Variants in CAST observed in about 807,000 individuals in gnomAD.
CAST encodes the protein MIR583 host.
Under a neutral mutation model 119.6 loss-of-function variants are expected in CAST, and 76 were observed. The observed-to-expected ratio is 0.64, with a 90% CI of 0.53 to 0.77. The LOEUF (loss-of-function observed/expected upper bound fraction) is 0.77. Among genes scored for constraint, CAST ranks in the 30% least tolerant of loss-of-function variants. The pLI is 0.00. For missense variants in CAST, 953 were observed against 946.5 expected (o/e 1.01, Z -0.09); for synonymous variants, 319 against 331.6 (o/e 0.96, Z 0.41).
chr5:96,310,482 G>A, the CAST span, among the ~76,000 whole-genome samples: 29 of 151,568 alleles, frequency 1.9e-4, no homozygotes, highest in Non-Finnish European at 4.3e-4. Flanking sequence ...CTAATTTTTT[G>A]TAAAAGTTTG....
the CAST span, among the ~76,000 whole-genome samples, chr5:96,495,963 C>T: frequency 6.6e-6 from 1 of 151,920 alleles, no homozygotes; most frequent in Admixed American, 6.6e-5. Context: ...AAAGAAAAGG[C>T]CTTTAATTAT....
At chr5:96,589,237 G>T (rs1561424140) in intron 1 of CAST, among the ~76,000 whole-genome samples, 1 of 152,148 alleles carries the variant, frequency 6.6e-6, no homozygotes. Context: ...AGAGTAAATT[G>T]TCAAATGTTC....
At chr5:96,346,291 G>A in the CAST span, among the ~76,000 whole-genome samples, 1 of 152,198 alleles carries the variant, frequency 6.6e-6, no homozygotes, top group Non-Finnish European at 1.5e-5. Flanking sequence ...GGCAGAGATC[G>A]TGACTGCTGT....
chr5:96,723,059 C>T (rs530995961), intron 4 of CAST, among the ~76,000 whole-genome samples: 9 of 152,302 alleles, frequency 5.9e-5, no homozygotes, highest in East Asian at 3.9e-4. Flanking sequence ...CCTCCCATCT[C>T]GGCCTCTTGA....
chr5:96,287,668 A>G, the CAST span, among the ~76,000 whole-genome samples: 1 of 152,152 alleles, frequency 6.6e-6, no homozygotes, highest in Non-Finnish European at 1.5e-5. Flanking sequence ...AATTTTATCT[A>G]CTTCTATTCT....
the CAST span, among the ~76,000 whole-genome samples, chr5:95,983,418 T>C: frequency 6.6e-6 from 1 of 152,090 alleles, no homozygotes; most frequent in African/African-American, 2.4e-5. Flanking sequence ...TATATATTTG[T>C]AGAAAAATTC....
chr5:96,698,461 C>T (rs1187260034), intron 3 of CAST, among the ~76,000 whole-genome samples: 1 of 152,204 alleles, frequency 6.6e-6, no homozygotes. Flanking sequence ...GCTTTTCTGA[C>T]TCACTTTCCT....
intron 1 of CAST, among the ~76,000 whole-genome samples, chr5:96,626,670 T>A (rs1747730573): frequency 6.6e-6 from 1 of 152,184 alleles, no homozygotes; most frequent in South Asian, 2.1e-4. Context: ...ACAAAGCCCC[T>A]TGCTTCCAGC....
chr5:96,451,970 T>G, the CAST span, among the ~76,000 whole-genome samples: 6,862 of 152,230 alleles, frequency 0.045, 375 homozygotes, highest in African/African-American at 0.13. Flanking sequence ...AGAATGGCGA[T>G]CATTAAAAAG....
the CAST span, among the ~76,000 whole-genome samples, chr5:96,124,908 G>A: frequency 6.6e-6 from 1 of 152,110 alleles, no homozygotes; most frequent in East Asian, 1.9e-4. Context: ...TGTCCACCTT[G>A]TTTACCCTGT....
chr5:96,757,905 G>A (rs1356257121), intron 24 of CAST, among the ~76,000 whole-genome samples: 1 of 151,944 alleles, frequency 6.6e-6, no homozygotes, highest in African/African-American at 2.4e-5. Context: ...TGGCCAGGCT[G>A]GTGTCAGTCT....
At chr5:95,991,491 A>AGTTTT in the CAST span, among the ~76,000 whole-genome samples, 9 of 143,880 alleles carry the variant, frequency 6.3e-5, 1 homozygote, top group South Asian at 2.2e-4. Flanking sequence ...GTTAACAACA[A>AGTTTT]GTTTTGTTTT....
chr5:96,208,672 T>C, the CAST span, among the ~76,000 whole-genome samples: 8 of 152,020 alleles, frequency 5.3e-5, no homozygotes, highest in Non-Finnish European at 1.2e-4. Context: ...CCATTTTTAT[T>C]GCACTATGGT....
At chr5:96,316,586 T>A in the CAST span, among the ~76,000 whole-genome samples, 3 of 152,212 alleles carry the variant, frequency 2.0e-5, no homozygotes, top group Non-Finnish European at 4.4e-5. Flanking sequence ...AAAAGTCAGG[T>A]TGAAAGCACC....
intron 22 of CAST, chr5:96,755,220 T>TC (rs1766029302): frequency 6.5e-6 from 1 of 153,274 alleles, no homozygotes; most frequent in African/African-American, 2.4e-5. Flanking sequence ...GTGCCTGTAG[T>TC]CCCAGGTACT....
At chr5:96,133,808 G>T in the CAST span, among the ~76,000 whole-genome samples, 2 of 152,202 alleles carry the variant, frequency 1.3e-5, no homozygotes, top group Non-Finnish European at 2.9e-5. Context: ...CATTGGTGAA[G>T]ACGAGAAGCC....
chr5:96,146,441 C>A, the CAST span, among the ~76,000 whole-genome samples: 1 of 152,366 alleles, frequency 6.6e-6, no homozygotes, highest in Admixed American at 6.5e-5. Context: ...TCTGATTCAG[C>A]AGGCCTCAGG....
At chr5:96,656,749 T>C (rs953954243) in intron 1 of CAST, among the ~76,000 whole-genome samples, 1 of 152,128 alleles carries the variant, frequency 6.6e-6, no homozygotes, top group South Asian at 2.1e-4. Flanking sequence ...GGAGCCATGA[T>C]GGGATCTGGA....
chr5:96,080,240 C>A, the CAST span, among the ~76,000 whole-genome samples: 1 of 152,188 alleles, frequency 6.6e-6, no homozygotes, highest in Non-Finnish European at 1.5e-5. Context: ...AGAAGTACAT[C>A]ATGCTGATAT....
Sources: allele counts gnomAD v4.1 joint callset (sites outside exome capture counted in the v4.1 genomes callset), GRCh38; gene constraint gnomAD v4.1.1; transcripts MANE v1.5; gene names NCBI Gene and HGNC (gene_info 2026-07-23, HGNC 2026-07-21).